Variants in PRORP observed in about 807,000 individuals in gnomAD.
PRORP encodes the protein mitochondrial ribonuclease P catalytic subunit.
Under a neutral mutation model 59.4 loss-of-function variants are expected in PRORP, and 51 were observed. The observed-to-expected ratio is 0.86, with a 90% CI of 0.69 to 1.08. PRORP has a LOEUF of 1.08. PRORP is among the 50% of genes least tolerant of loss of function. PRORP has a pLI of 0.00. For synonymous variants in PRORP, 231 were observed against 245.6 expected, an observed-to-expected ratio of 0.94 and a Z score of 0.55; for missense variants, 646 against 690.3, an observed-to-expected ratio of 0.94 and a Z score of 0.72.
In PRORP at chr14:35,138,112, C is replaced by T. The variant is rs150010121; in HGVS notation, c.1167+10501C>T. ...CTTGATCCCTCTCTCTTTGGCTTGC[C>T]GATGGCTACCTTCTTGTGGTATCTT... On this transcript the variant is annotated intron_variant, in intron 4 of 7. Coordinates refer to ENST00000534898, the MANE Select transcript of PRORP (RefSeq NM_014672.4). 4.1e-4 allele frequency among the ~76,000 whole-genome samples: 60 copies of T among 145,838 alleles called. 2 individuals carry two copies. Among genetic ancestry groups the T allele is most frequent in the African/African-American group, 1.4e-3 (58 of 41,156 alleles).
intron 5 of PRORP, among the ~76,000 whole-genome samples, chr14:35,223,676 G>A (rs1172982059): frequency 6.6e-6 from 1 of 152,022 alleles, no homozygotes; most frequent in African/African-American, 2.4e-5. Context: ...AGCCAGGATG[G>A]TCTTGAACTC....
At chr14:35,157,063 C>G (rs903288920) in intron 4 of PRORP, among the ~76,000 whole-genome samples, 1 of 150,136 alleles carries the variant, frequency 6.7e-6, no homozygotes, top group Non-Finnish European at 1.5e-5. Context: ...TCACGCCATT[C>G]TCCTGCCTCA....
intron 4 of PRORP, among the ~76,000 whole-genome samples, chr14:35,174,992 G>A (rs1269389817): frequency 2.7e-5 from 4 of 148,574 alleles, no homozygotes; most frequent in Non-Finnish European, 5.9e-5. Context: ...AACACGCGGT[G>A]TTTGGTTTTC....
intron 4 of PRORP, among the ~76,000 whole-genome samples, chr14:35,154,114 A>C (rs2047852072): frequency 6.6e-6 from 1 of 152,190 alleles, no homozygotes; most frequent in Admixed American, 6.5e-5. Context: ...TTTCTAACTA[A>C]CACATAACAC....
At chr14:35,194,985 C>T (rs1566490337) in intron 5 of PRORP, among the ~76,000 whole-genome samples, 1 of 3,142 alleles carries the variant, frequency 3.2e-4, no homozygotes, top group Non-Finnish European at 7.9e-3. Context: ...TCCTCTCACA[C>T]ATGATTTTGT....
intron 5 of PRORP, among the ~76,000 whole-genome samples, chr14:35,262,126 A>G (rs1446279682): frequency 6.6e-6 from 1 of 152,160 alleles, no homozygotes. Flanking sequence ...CTGAAAACTT[A>G]AGCAATCAGT....
In PRORP at chr14:35,213,389, C is replaced by T. The variant is rs772881369; in HGVS notation, c.1275+32612C>T. Among the ~76,000 whole-genome samples the T allele has an allele frequency of 2.0e-5, 3 of 151,970 alleles. No homozygotes were observed. In the East Asian group the frequency reaches 5.8e-4, roughly 29 times the overall value. On this transcript the variant is annotated intron_variant, in intron 5 of 7. Coordinates refer to ENST00000534898, the MANE Select transcript of PRORP (RefSeq NM_014672.4). ...AAGGCTGCAGTGAGCTGTGATTGCA[C>T]AACTGCACTCCAGTCTGCAGAGTGA...
intron 4 of PRORP, among the ~76,000 whole-genome samples, chr14:35,147,914 A>G (rs2047650561): frequency 6.6e-6 from 1 of 152,248 alleles, no homozygotes; most frequent in Non-Finnish European, 1.5e-5. Context: ...TTGCTAATCC[A>G]TAAGAAGAAA....
intron 5 of PRORP, among the ~76,000 whole-genome samples, chr14:35,228,250 T>G (rs1275397166): frequency 1.3e-5 from 2 of 152,148 alleles, no homozygotes; most frequent in African/African-American, 4.8e-5. Flanking sequence ...CCCTTGTGTG[T>G]GAAAAAAGAA....
intron 5 of PRORP, among the ~76,000 whole-genome samples, chr14:35,225,269 C>T (rs993273553): frequency 6.6e-6 from 1 of 152,072 alleles, no homozygotes; most frequent in Non-Finnish European, 1.5e-5. Context: ...ATGAAGGAAG[C>T]CCCAAGAAAC....
At chr14:35,132,766 G>C (rs1315142389) in intron 4 of PRORP, among the ~76,000 whole-genome samples, 1 of 141,616 alleles carries the variant, frequency 7.1e-6, no homozygotes, top group Non-Finnish European at 1.5e-5. Flanking sequence ...CAGCCTGGGC[G>C]ACAGAGTGAG....
intron 5 of PRORP, among the ~76,000 whole-genome samples, chr14:35,193,851 T>C (rs1006876076): frequency 2.6e-5 from 4 of 152,206 alleles, no homozygotes; most frequent in Non-Finnish European, 5.9e-5. Flanking sequence ...TTAAAGACTC[T>C]CTCTTAACAT....
chr14:35,131,539 T>C (rs867036454), intron 4 of PRORP, among the ~76,000 whole-genome samples: 5 of 151,798 alleles, frequency 3.3e-5, no homozygotes, highest in Middle Eastern at 3.4e-3. Context: ...TTGGTTTTTT[T>C]TTTTTTTGAG....
chr14:35,270,926 A>C (rs1376841591), intron 7 of PRORP, among the ~76,000 whole-genome samples: 1 of 151,122 alleles, frequency 6.6e-6, no homozygotes, highest in Non-Finnish European at 1.5e-5. Flanking sequence ...TACTAAAAGT[A>C]CAAAAAAAAA....
chr14:35,123,730 T>A lies in PRORP; in HGVS notation c.485T>A (p.Leu162Gln). 1 of 1,614,258 alleles carries A rather than the reference T, an allele frequency of 6.2e-7. No homozygotes were observed. Among genetic ancestry groups the A allele is most frequent in the Non-Finnish European group, 8.5e-7 (1 of 1,180,048 alleles). The change falls in exon 2 of 8, where the codon CTG (leucine) becomes CAG (glutamine). Residue 162 changes from leucine (L) to glutamine (Q), a missense_variant. Transcript: ENST00000534898. ...HSSIDVAKSL[L>Q]AWVAAKNNGI... The stretch of plus-strand genomic sequence containing the variant: ...TCTATAGATGTGGCTAAATCTCTGC[T>A]GGCATGGGTAGCAGCCAAAAATAAT...
At chr14:35,244,797 ACTT>A (rs774380653) in intron 5 of PRORP, among the ~76,000 whole-genome samples, 18 of 152,140 alleles carry the variant, frequency 1.2e-4, no homozygotes, top group Admixed American at 2.6e-4. Flanking sequence ...TCCCCTGCTA[ACTT>A]CTTCTTCCCC....
At chr14:35,166,616 A>AT (rs2048191798) in intron 4 of PRORP, among the ~76,000 whole-genome samples, 4 of 151,854 alleles carry the variant, frequency 2.6e-5, no homozygotes. Flanking sequence ...CGCCCAGCTA[A>AT]TTTTTTTGGT....
intron 4 of PRORP, among the ~76,000 whole-genome samples, chr14:35,177,738 G>T (rs1450676457): frequency 6.6e-6 from 1 of 151,792 alleles, no homozygotes; most frequent in Non-Finnish European, 1.5e-5. Flanking sequence ...TTGTGTCTCT[G>T]TCTCTTTCAG....
intron 5 of PRORP, among the ~76,000 whole-genome samples, chr14:35,263,515 C>T (rs1177930223): frequency 4.0e-5 from 6 of 150,596 alleles, no homozygotes; most frequent in Middle Eastern, 3.4e-3. Context: ...GGTGAAACTC[C>T]GTCTCTACTA....
Sources: gnomAD v4.1 joint callset for allele counts (sites outside exome capture counted in the v4.1 genomes callset) on GRCh38, gnomAD v4.1.1 for gene constraint, MANE v1.5 for transcripts, NCBI Gene and HGNC (gene_info 2026-07-23, HGNC 2026-07-21) for gene names.